The following ZBTB7C variants were observed in gnomAD, a reference collection of about 807,000 sequenced individuals.
The protein encoded by ZBTB7C is zinc finger and BTB domain containing 7C, also known as zinc finger and BTB domain-containing protein 7C.
ZBTB7C carries 8 observed loss-of-function variants against 25.7 expected under a neutral mutation model. The ratio of observed to expected loss-of-function variants is 0.31; its 90% confidence interval spans 0.18 to 0.56. The LOEUF is 0.56. Among genes scored for constraint, ZBTB7C ranks in the 20% least tolerant of loss-of-function variants. The pLI is 0.91. For missense variants in ZBTB7C, 824 were observed against 855.2 expected (o/e 0.96, Z 0.46); for synonymous variants, 394 against 369.0 (o/e 1.07, Z -0.78).
intron 2 of ZBTB7C, among the ~76,000 whole-genome samples, chr18:48,255,237 T>C (rs2043987434): frequency 6.6e-6 from 1 of 151,934 alleles, no homozygotes; most frequent in African/African-American, 2.4e-5. Context: ...AGCCAATCAA[T>C]CCAAACTGAC....
intron 2 of ZBTB7C, among the ~76,000 whole-genome samples, chr18:48,259,543 G>T (rs1202926287): frequency 1.3e-5 from 2 of 152,064 alleles, no homozygotes; most frequent in Non-Finnish European, 2.9e-5. Context: ...TGAAAAATTG[G>T]ACTTCATAAA....
intron 2 of ZBTB7C, among the ~76,000 whole-genome samples, chr18:48,284,020 G>A (rs117244077): frequency 0.016 from 2,362 of 152,170 alleles, 24 homozygotes; most frequent in Middle Eastern, 0.034. Flanking sequence ...AGTGGTGCAC[G>A]CCTATAGTCC....
intron 3 of ZBTB7C, among the ~76,000 whole-genome samples, chr18:48,136,346 G>A (rs1276787725): frequency 6.6e-6 from 1 of 152,214 alleles, no homozygotes; most frequent in East Asian, 1.9e-4. Flanking sequence ...CCAGGTTGGA[G>A]TCCAGGGAAG....
At chr18:48,053,703 A>G (rs1197274903) in intron 3 of ZBTB7C, among the ~76,000 whole-genome samples, 1 of 152,202 alleles carries the variant, frequency 6.6e-6, no homozygotes, top group Non-Finnish European at 1.5e-5. Flanking sequence ...GTATTTACCC[A>G]TTTAGCTAAG....
intron 2 of ZBTB7C, among the ~76,000 whole-genome samples, chr18:48,298,202 C>T (rs967877543): frequency 2.0e-5 from 3 of 151,750 alleles, no homozygotes; most frequent in African/African-American, 7.3e-5. Context: ...ATTACTTGAA[C>T]CCTGCAAGTG....
chr18:48,242,105 G>A (rs2043546899), intron 2 of ZBTB7C, among the ~76,000 whole-genome samples: 1 of 152,056 alleles, frequency 6.6e-6, no homozygotes, highest in Non-Finnish European at 1.5e-5. Flanking sequence ...TAGAGGAAAT[G>A]GATAAAATCC....
Position 48,116,339 on chromosome 18 carries a change from T to C in ZBTB7C, c.-17+69595A>G, listed in dbSNP as rs147014318. Among the ~76,000 whole-genome samples the C allele has an allele frequency of 4.2e-3, 635 of 152,316 alleles. 16 individuals are homozygous for C. Among genetic ancestry groups the C allele is most frequent in the Admixed American group, 0.039 (590 of 15,298 alleles). ...AGTCACTAATACAGTCCCTGGTAAA[T>C]AGTGCCAGCTCCATGTGTGCTTGCT... On this transcript the variant is annotated intron_variant, in intron 3 of 4. Transcript: ENST00000590800.
chr18:48,054,901 G>GA (rs1310049379), intron 3 of ZBTB7C, among the ~76,000 whole-genome samples: 1 of 152,118 alleles, frequency 6.6e-6, no homozygotes, highest in Non-Finnish European at 1.5e-5. Context: ...GGGCAATTAG[G>GA]ATGTGAGTTG....
At chr18:48,059,784 T>C (rs1307981012) in intron 3 of ZBTB7C, among the ~76,000 whole-genome samples, 1 of 152,020 alleles carries the variant, frequency 6.6e-6, no homozygotes, top group African/African-American at 2.4e-5. Context: ...AAAAATACTG[T>C]GGAGGGAGCT....
intron 1 of ZBTB7C, among the ~76,000 whole-genome samples, chr18:48,406,329 G>C (rs916583525): frequency 5.3e-5 from 8 of 152,156 alleles, no homozygotes; most frequent in African/African-American, 9.7e-5. Context: ...CTGCTGGAGA[G>C]GGGTGAGAGG....
rs111622419 is a variant in ZBTB7C, at chr18:48,050,510, G to T, written c.-16-9387C>A. Among the ~76,000 whole-genome samples, 249 of 152,334 alleles carry T rather than the reference G, an allele frequency of 1.6e-3. 1 individual carries two copies. Among genetic ancestry groups the T allele is most frequent in the African/African-American group, 5.9e-3 (244 of 41,574 alleles). On this transcript the variant is annotated intron_variant, in intron 3 of 4. Coordinates refer to ENST00000590800, the MANE Select transcript of ZBTB7C (RefSeq NM_001318841.2). ...TCCCCAGCTGAGCCTGGCCCACTCA[G>T]CCCCTCAGGGTTTCTGTGCGATTTG...
intron 2 of ZBTB7C, among the ~76,000 whole-genome samples, chr18:48,199,250 T>G (rs1182580792): frequency 7.2e-5 from 11 of 152,214 alleles, no homozygotes; most frequent in Non-Finnish European, 1.6e-4. Flanking sequence ...GAAGCTCTTG[T>G]ATAACTTCTC....
intron 1 of ZBTB7C, among the ~76,000 whole-genome samples, chr18:48,342,175 G>A (rs1246628284): frequency 1.3e-5 from 2 of 152,224 alleles, no homozygotes; most frequent in African/African-American, 4.8e-5. Flanking sequence ...CAGGAGCACA[G>A]GTTCCCATGC....
intron 4 of ZBTB7C, 103 bp downstream of exon 4, chr18:48,039,797 A>T (rs2036134627): frequency 8.2e-7 from 1 of 1,222,520 alleles, no homozygotes; most frequent in African/African-American, 1.5e-5. Flanking sequence ...TGTGTGTGGG[A>T]TCTATCTGGG....
At chr18:48,204,606 T>C (rs1599097746) in intron 2 of ZBTB7C, among the ~76,000 whole-genome samples, 1 of 152,162 alleles carries the variant, frequency 6.6e-6, no homozygotes, top group African/African-American at 2.4e-5. Flanking sequence ...TGCCTCCTTA[T>C]CTACAGCAAC....
chr18:48,342,855 C>T (rs990416916), intron 1 of ZBTB7C, among the ~76,000 whole-genome samples: 6 of 152,148 alleles, frequency 3.9e-5, no homozygotes, highest in Non-Finnish European at 1.5e-5. Context: ...GGACACACTT[C>T]TACATTGCCT....
chr18:48,100,017 A>C (rs1370567003), intron 3 of ZBTB7C, among the ~76,000 whole-genome samples: 6 of 152,112 alleles, frequency 3.9e-5, no homozygotes, highest in Admixed American at 3.9e-4. Context: ...TGGGGCACCC[A>C]CACTCCCACT....
chr18:48,094,086 T>C (rs2038527263), intron 3 of ZBTB7C, among the ~76,000 whole-genome samples: 1 of 152,138 alleles, frequency 6.6e-6, no homozygotes, highest in Admixed American at 6.6e-5. Flanking sequence ...ATTAATAACC[T>C]TGTTTATTAT....
rs1354495494 is a variant in ZBTB7C, at chr18:48,062,249, A to C, written c.-16-21126T>G. 4.6e-5 allele frequency among the ~76,000 whole-genome samples: 7 copies of C among 152,332 alleles called. 1 individual carries two copies. In the South Asian group the frequency reaches 8.3e-4, roughly 18 times the overall value. On this transcript the variant is annotated intron_variant, in intron 3 of 4. Coordinates refer to ENST00000590800, the MANE Select transcript of ZBTB7C (RefSeq NM_001318841.2). ...GCCATTGTGTTCCTGAGGGTTCATC[A>C]TGTGATAGGTGAGGGGAACACCTTT...
Sources: gnomAD v4.1 joint callset for allele counts (sites outside exome capture counted in the v4.1 genomes callset) on GRCh38, gnomAD v4.1.1 for gene constraint, MANE v1.5 for transcripts, NCBI Gene and HGNC (gene_info 2026-07-23, HGNC 2026-07-21) for gene names.